The following LMOD2 variants were observed in gnomAD, a reference collection of about 807,000 sequenced individuals.
LMOD2 encodes leiomodin-2.
Under a neutral mutation model 41.7 loss-of-function variants are expected in LMOD2, and 27 were observed. That is an observed-to-expected ratio of 0.65 (90% CI 0.48 to 0.89). The LOEUF is 0.89. Ranked by LOEUF, LMOD2 falls within the 40% of genes least tolerant of loss-of-function variation. The probability of loss-of-function intolerance (pLI) is 0.00; values close to 1 mark genes in which losing one functional copy is unlikely to be tolerated. For missense variants in LMOD2, 624 were observed against 667.9 expected (o/e 0.93, Z 0.72); for synonymous variants, 251 against 244.6 (o/e 1.03, Z -0.25).
At chr7:123,660,421 A>T (rs947582029) in intron 1 of LMOD2, among the ~76,000 whole-genome samples, 7 of 151,904 alleles carry the variant, frequency 4.6e-5, no homozygotes, top group African/African-American at 1.7e-4. Context: ...AAGTCATCCC[A>T]GGAGTGGCTG....
rs1198281428 is a variant in LMOD2, at chr7:123,663,770, CAGAACTGTTCAGTG to C, written c.*26_*39del. 6.4e-7 allele frequency: 1 copy of C among 1,560,930 alleles called. No individual in the cohort carries two copies. The highest frequency in any genetic ancestry group is 2.3e-5 in the East Asian group (1 of 42,944). ...AAAACATGATCTTTAGAAGAGGATG[CAGAACTGTTCAGTG>C]GTATTACATGAAATGCATTGTGAGA... is the stretch of plus-strand genomic sequence containing the variant. On this transcript the variant is annotated 3_prime_UTR_variant, in exon 3 of 3. Coordinates refer to ENST00000458573, the MANE Select transcript of LMOD2 (RefSeq NM_207163.3).
Position 123,663,823 on chromosome 7 carries a change from C to G in LMOD2, c.*78C>G, listed in dbSNP as rs148341222. ...TGCATTGTGAGATGTTTCTAAAATA[C>G]CTTCTTCAATTCAAAATGATCCCTG... On this transcript the variant is annotated 3_prime_UTR_variant, in exon 3 of 3. Transcript: ENST00000458573. 6.8e-4 allele frequency: 804 copies of G among 1,183,974 alleles called. No individual in the cohort carries two copies. The highest frequency in any genetic ancestry group is 1.6e-3 in the Middle Eastern group (8 of 5,134). The allele number at this position is 1,183,974 out of a possible 1,614,324, so 73.3% of individuals were successfully genotyped here.
chr7:123,661,203 A>G (rs931149064), intron 1 of LMOD2, among the ~76,000 whole-genome samples: 4 of 152,202 alleles, frequency 2.6e-5, no homozygotes, highest in Non-Finnish European at 5.9e-5. Flanking sequence ...TGATTCAGAG[A>G]GTCTTCTGTG....
At chr7:123,663,693 T>G in intron 2 of LMOD2, 26 bp from the exon 3 acceptor site, 2 of 1,567,154 alleles carry the variant, frequency 1.3e-6, no homozygotes, top group Non-Finnish European at 1.7e-6. Flanking sequence ...GTTGTTTCAT[T>G]GAGAGAAAAT....
intron 1 of LMOD2, among the ~76,000 whole-genome samples, chr7:123,658,980 C>G (rs1243446403): frequency 6.6e-6 from 1 of 152,176 alleles, no homozygotes; most frequent in Non-Finnish European, 1.5e-5. Context: ...GAACCAACTC[C>G]TGCCCCTGCA....
intron 1 of LMOD2, among the ~76,000 whole-genome samples, chr7:123,658,221 G>A (rs1562950514): frequency 6.6e-6 from 1 of 152,120 alleles, no homozygotes; most frequent in African/African-American, 2.4e-5. Context: ...CTGTGTTGAT[G>A]GACTTCGGTT....
intron 1 of LMOD2, among the ~76,000 whole-genome samples, chr7:123,656,998 C>A (rs1802797677): frequency 6.6e-6 from 1 of 152,292 alleles, no homozygotes; most frequent in African/African-American, 2.4e-5. Flanking sequence ...CATCCTGAAA[C>A]CCATCTGAGG....
chr7:123,663,402 G>A, intron 2 of LMOD2, 199 bp downstream of exon 2: 1 of 704,960 alleles, frequency 1.4e-6, no homozygotes, highest in East Asian at 2.8e-5. Context: ...GGAACGCCTG[G>A]GCCGCTTTCC....
At chr7:123,656,653 A>C (rs1026648406) in intron 1 of LMOD2, among the ~76,000 whole-genome samples, 8 of 152,174 alleles carry the variant, frequency 5.3e-5, no homozygotes, top group Non-Finnish European at 1.2e-4. Flanking sequence ...ATAAAGACAA[A>C]AGTGGGAACG....
intron 1 of LMOD2, among the ~76,000 whole-genome samples, chr7:123,659,439 C>CA (rs1802839637): frequency 6.6e-6 from 1 of 152,144 alleles, no homozygotes; most frequent in Non-Finnish European, 1.5e-5. Context: ...CTCCAGATGT[C>CA]CCCCACCTAG....
intron 1 of LMOD2, among the ~76,000 whole-genome samples, chr7:123,660,997 TC>T (rs1802867424): frequency 1.3e-5 from 2 of 152,206 alleles, no homozygotes; most frequent in Non-Finnish European, 2.9e-5. Context: ...TGATTATCTT[TC>T]CCACCTGGTC....
At chr7:123,660,990 T>C (rs1037676173) in intron 1 of LMOD2, among the ~76,000 whole-genome samples, 1 of 152,226 alleles carries the variant, frequency 6.6e-6, no homozygotes, top group Non-Finnish European at 1.5e-5. Context: ...CCAAGGGTGA[T>C]TATCTTTCCC....
chr7:123,658,712 A>T (rs1802829384), intron 1 of LMOD2, among the ~76,000 whole-genome samples: 1 of 152,202 alleles, frequency 6.6e-6, no homozygotes, highest in Admixed American at 6.5e-5. Flanking sequence ...AGGTTAAGAA[A>T]CTCATTAGAG....
At chr7:123,657,811 C>CAA (rs1009900124) in intron 1 of LMOD2, among the ~76,000 whole-genome samples, 563 of 35,962 alleles carry the variant, frequency 0.016, 16 homozygotes, top group African/African-American at 0.042. Flanking sequence ...CTCATCTCTA[C>CAA]AAAAAAAAAA....
intron 1 of LMOD2, among the ~76,000 whole-genome samples, chr7:123,659,121 T>C (rs1301246686): frequency 6.6e-6 from 1 of 152,220 alleles, no homozygotes; most frequent in African/African-American, 2.4e-5. Flanking sequence ...TGTACATACA[T>C]AATAGGGAGG....
At position 123,663,769 on chromosome 7, in the gene LMOD2, G is replaced by A. The variant is rs1367075887; in HGVS notation, c.*24G>A. 6.4e-7 allele frequency: 1 copy of A among 1,565,868 alleles called. No individual in the cohort carries two copies. On this transcript the variant is annotated 3_prime_UTR_variant, in exon 3 of 3. Transcript: ENST00000458573. ...AAAAACATGATCTTTAGAAGAGGATGCAGAACTGTTCAGTGGTATTACATG... is the reference window on the plus strand; with the variant it reads ...AAAAACATGATCTTTAGAAGAGGATACAGAACTGTTCAGTGGTATTACATG...
chr7:123,658,487 T>C (rs925630960), intron 1 of LMOD2, among the ~76,000 whole-genome samples: 2 of 152,220 alleles, frequency 1.3e-5, no homozygotes, highest in African/African-American at 2.4e-5. Context: ...TAAAGGCTTA[T>C]AAAAAGCAGA....
At chr7:123,659,574 T>C (rs545204662) in intron 1 of LMOD2, among the ~76,000 whole-genome samples, 164 of 152,346 alleles carry the variant, frequency 1.1e-3, no homozygotes, top group African/African-American at 3.8e-3. Flanking sequence ...GTCCTGACTC[T>C]CAGCTGCTGT....
At chr7:123,658,864 G>A (rs1047235829) in intron 1 of LMOD2, among the ~76,000 whole-genome samples, 3 of 152,088 alleles carry the variant, frequency 2.0e-5, no homozygotes, top group East Asian at 3.9e-4. Flanking sequence ...GATAAACTCT[G>A]GGGATGGGGC....
Sources: allele counts gnomAD v4.1 joint callset (sites outside exome capture counted in the v4.1 genomes callset), GRCh38; gene constraint gnomAD v4.1.1; transcripts MANE v1.5; gene names NCBI Gene and HGNC (gene_info 2026-07-23, HGNC 2026-07-21).